Variants in RHOT1 observed in about 807,000 individuals in gnomAD.
RHOT1 encodes ras homolog family member T1, also known as mitochondrial Rho GTPase 1.
A neutral mutation model predicts 95.3 loss-of-function variants in RHOT1; 27 were observed. The ratio of observed to expected loss-of-function variants is 0.28; its 90% CI spans 0.21 to 0.39. RHOT1 has a LOEUF of 0.39. Ranked by LOEUF, RHOT1 falls within the 10% of genes least tolerant of loss-of-function variation. The pLI is 1.00. For missense variants in RHOT1, 578 were observed against 786.7 expected (o/e 0.73, Z 3.17); for synonymous variants, 227 against 263.5 (o/e 0.86, Z 1.34).
chr17:32,147,865 G>A (rs1003178143), intron 1 of RHOT1, among the ~76,000 whole-genome samples: 1 of 151,734 alleles, frequency 6.6e-6, no homozygotes, highest in Admixed American at 6.6e-5. Flanking sequence ...ATTACACTGT[G>A]TTTACTACCT....
chr17:32,168,995 C>T (rs8068585), intron 1 of RHOT1, among the ~76,000 whole-genome samples: 5,045 of 152,210 alleles, frequency 0.033, 273 homozygotes, highest in African/African-American at 0.11. Context: ...TTGAAAAAGG[C>T]CTAAACCTTC....
At chr17:32,209,304 T>A (rs746001262) in intron 18 of RHOT1, 8 of 1,080,638 alleles carry the variant, frequency 7.4e-6, no homozygotes, top group Non-Finnish European at 8.1e-6. Context: ...AAAACCTTAT[T>A]TATGTTTTAC....
At chr17:32,164,534 A>T (rs1394170958) in intron 1 of RHOT1, among the ~76,000 whole-genome samples, 1 of 151,984 alleles carries the variant, frequency 6.6e-6, no homozygotes, top group African/African-American at 2.4e-5. Flanking sequence ...GCCCAGACTA[A>T]CATCCCAATT....
intron 16 of RHOT1, 148 bp from the exon 17 acceptor site, chr17:32,206,762 C>A: frequency 1.6e-6 from 1 of 640,240 alleles, no homozygotes; most frequent in Admixed American, 3.1e-5. Context: ...CTTGTCTATA[C>A]TTTCTACTTT....
intron 19 of RHOT1, chr17:32,221,023 A>G: frequency 1.0e-6 from 1 of 957,280 alleles, no homozygotes; most frequent in Non-Finnish European, 1.2e-6. Context: ...TCATTTTGAA[A>G]GAATTATGCT....
chr17:32,204,543 G>GAAAAAA (rs58323302), intron 16 of RHOT1, among the ~76,000 whole-genome samples: 2 of 54,860 alleles, frequency 3.6e-5, no homozygotes, highest in African/African-American at 1.2e-4. Context: ...TCCATCTCCA[G>GAAAAAA]AAAAAAAAAA....
chr17:32,217,614 G>A (rs892147688), intron 19 of RHOT1, among the ~76,000 whole-genome samples: 1 of 151,620 alleles, frequency 6.6e-6, no homozygotes, highest in Non-Finnish European at 1.5e-5. Context: ...AATTAGCTGG[G>A]CGTGGTGGTG....
chr17:32,216,094 G>T (rs2038458182), intron 19 of RHOT1, among the ~76,000 whole-genome samples: 1 of 152,014 alleles, frequency 6.6e-6, no homozygotes, highest in Admixed American at 6.6e-5. Context: ...TTGTTGGTTT[G>T]AACTACCCAG....
At chr17:32,222,646 A>G (rs548728984) in intron 19 of RHOT1, among the ~76,000 whole-genome samples, 1 of 152,276 alleles carries the variant, frequency 6.6e-6, no homozygotes, top group Admixed American at 6.5e-5. Flanking sequence ...GATCCATCAT[A>G]TAGGGTGGCA....
At chr17:32,203,057 ACTGT>A in intron 15 of RHOT1, among the ~76,000 whole-genome samples, 157 bp downstream of exon 15, 1 of 152,200 alleles carries the variant, frequency 6.6e-6, no homozygotes, top group Non-Finnish European at 1.5e-5. Flanking sequence ...ATCCTGTTGA[ACTGT>A]CTTTGTTTCA....
chr17:32,196,138 C>T (rs1004099594), intron 11 of RHOT1, among the ~76,000 whole-genome samples: 2 of 151,140 alleles, frequency 1.3e-5, no homozygotes, highest in Admixed American at 6.6e-5. Context: ...AAATTTGGCT[C>T]TGTCACTTCC....
chr17:32,176,080 T>C, intron 5 of RHOT1, 65 bp downstream of exon 5: 1 of 1,576,490 alleles, frequency 6.3e-7, no homozygotes, highest in Non-Finnish European at 8.7e-7. Flanking sequence ...TGATTCTCAG[T>C]TTAGAATTTT....
chr17:32,157,663 G>T (rs894231901), intron 1 of RHOT1, among the ~76,000 whole-genome samples: 3 of 151,998 alleles, frequency 2.0e-5, no homozygotes, highest in African/African-American at 7.2e-5. Context: ...AATTAGCCAG[G>T]TGTGGTGGTG....
At chr17:32,213,652 G>A (rs763014649) in intron 19 of RHOT1, among the ~76,000 whole-genome samples, 1 of 152,126 alleles carries the variant, frequency 6.6e-6, no homozygotes, top group Non-Finnish European at 1.5e-5. Context: ...TCTATTTGAT[G>A]TCTTATTTTG....
At position 32,208,266 on chromosome 17, in the gene RHOT1, A is replaced by C; in HGVS notation, c.1696A>C (p.Ser566Arg). Reference sequence around the variant, plus strand: ...CACTTGCAATACTGCTGATGCCCCCAGTAAGGATATCTTTGTTAAATTGAC... The same window carrying C: ...CACTTGCAATACTGCTGATGCCCCCCGTAAGGATATCTTTGTTAAATTGAC... ...AFTCNTADAP[S>R]KDIFVKLTTM... Residue 566 changes from serine (S) to arginine (R), a missense_variant, in exon 18 of 20, where the codon AGT (serine) becomes CGT (arginine). Physicochemically the swap from Ser to Arg is moderately radical, Grantham distance 110 (BLOSUM62 -1). Transcript: ENST00000545287. 1 of 1,614,098 alleles carries C rather than the reference A, an allele frequency of 6.2e-7. No homozygotes were observed. The highest frequency in any genetic ancestry group is 8.5e-7 in the Non-Finnish European group (1 of 1,179,960).
At chr17:32,149,711 A>G (rs899262053) in intron 1 of RHOT1, among the ~76,000 whole-genome samples, 1 of 145,742 alleles carries the variant, frequency 6.9e-6, no homozygotes, top group African/African-American at 2.6e-5. Flanking sequence ...ATATACACAC[A>G]TACACATATA....
rs2039040946 is a variant in RHOT1, at chr17:32,224,722, A to G, written c.1969A>G (p.Lys657Glu). ...CTTTGCTATGTACAAAGCATTATTG[A>G]AACAGCGATGATATAAAAAGAAATA... ...LGFAMYKALL[K>E]QR The change falls in exon 20 of 20, where the codon AAA becomes GAA. Residue 657 changes from lysine (K) to glutamate (E), a missense_variant. Lys to Glu is a moderately conservative substitution (Grantham distance 56). Around this residue, in one of 4 missense-constraint regions of RHOT1, gnomAD observed 296 missense variants for 338.5 expected, o/e 0.87. Transcript: ENST00000545287. 1.2e-6 allele frequency: 2 copies of G among 1,601,328 alleles called. No homozygotes were observed. Among genetic ancestry groups the G allele is most frequent in the Non-Finnish European group, 1.7e-6 (2 of 1,170,410 alleles).
At position 32,180,023 on chromosome 17, in the gene RHOT1, AAGTGAGGAG is replaced by A. The variant is rs1180434073; in HGVS notation, c.330-2733_330-2725del. On this transcript the variant is annotated intron_variant, in intron 6 of 19. Coordinates refer to ENST00000545287, the MANE Select transcript of RHOT1 (RefSeq NM_001033566.3). ...CCTCTGCCCGGCCGCCCCGTCTGGG[AAGTGAGGAG>A]CGTCTCTGCCCAGCCACCCATCGTC... 1.3e-3 allele frequency: 185 copies of A among 147,644 alleles called. 2 individuals carry two copies. Among genetic ancestry groups the A allele is most frequent in the African/African-American group, 4.8e-3 (178 of 37,410 alleles). The allele number at this position is 147,644 out of a possible 1,614,324, so 9.1% of individuals were successfully genotyped here. A position where few individuals can be genotyped will look rare whatever the true frequency, so the allele number is the denominator to read the frequency against.
At chr17:32,220,444 A>G (rs2038756491) in intron 19 of RHOT1, among the ~76,000 whole-genome samples, 2 of 152,242 alleles carry the variant, frequency 1.3e-5, no homozygotes, top group African/African-American at 4.8e-5. Context: ...GAATGTTTCC[A>G]TAATTGATGA....
Sources: allele counts gnomAD v4.1 joint callset (sites outside exome capture counted in the v4.1 genomes callset), GRCh38; gene constraint gnomAD v4.1.1; regional missense constraint gnomAD v4.1.1; transcripts MANE v1.5; gene names NCBI Gene and HGNC (gene_info 2026-07-23, HGNC 2026-07-21).